Variants in ESRRG observed in about 807,000 individuals in gnomAD.
ESRRG encodes the protein estrogen-related receptor gamma.
Under a neutral mutation model 44.0 loss-of-function variants are expected in ESRRG, and 13 were observed. The ratio of observed to expected loss-of-function variants is 0.30; its 90% CI spans 0.19 to 0.47. The LOEUF is 0.47. Among genes scored for constraint, ESRRG ranks in the 20% least tolerant of loss-of-function variants. The pLI is 1.00. For missense variants in ESRRG, 395 were observed against 580.6 expected, an observed-to-expected ratio of 0.68 and a Z score of 3.29; for synonymous variants, 215 against 214.6, an observed-to-expected ratio of 1.00 and a Z score of -0.02.
chr1:216,907,471 C>G (rs956586430), intron 2 of ESRRG, among the ~76,000 whole-genome samples: 3 of 152,152 alleles, frequency 2.0e-5, no homozygotes, highest in African/African-American at 7.2e-5. Context: ...TGTAGATGAA[C>G]AGTGAGGGCT....
intron 2 of ESRRG, among the ~76,000 whole-genome samples, chr1:216,653,982 G>A (rs2069706368): frequency 6.6e-6 from 1 of 151,574 alleles, no homozygotes; most frequent in Non-Finnish European, 1.5e-5. Context: ...AATAAGCCAG[G>A]CATAGTGGTG....
intron 5 of ESRRG, among the ~76,000 whole-genome samples, chr1:216,522,586 G>A (rs1015959936): frequency 6.6e-6 from 1 of 152,058 alleles, no homozygotes; most frequent in South Asian, 2.1e-4. Flanking sequence ...CTTGTTATAA[G>A]ATAGTCATGT....
chr1:216,799,839 T>G (rs1213838963), intron 2 of ESRRG, among the ~76,000 whole-genome samples: 2 of 152,120 alleles, frequency 1.3e-5, no homozygotes, highest in Non-Finnish European at 2.9e-5. Context: ...CTGGGTGAAT[T>G]TATCTGGAAT....
chr1:216,818,412 G>A (rs17043988), intron 2 of ESRRG, among the ~76,000 whole-genome samples: 22,938 of 152,142 alleles, frequency 0.15, 1,834 homozygotes, highest in African/African-American at 0.17. Flanking sequence ...AGAGGAATAA[G>A]GAACCATCAT....
intron 3 of ESRRG, among the ~76,000 whole-genome samples, chr1:216,613,654 C>T (rs1358122966): frequency 2.0e-5 from 3 of 152,128 alleles, no homozygotes; most frequent in Non-Finnish European, 4.4e-5. Context: ...ATTTTAACAA[C>T]GTTGTATTTT....
At chr1:216,861,382 T>C (rs1424622117) in intron 2 of ESRRG, among the ~76,000 whole-genome samples, 2 of 152,048 alleles carry the variant, frequency 1.3e-5, no homozygotes, top group Non-Finnish European at 2.9e-5. Flanking sequence ...ATGTCTCCAA[T>C]ACAAATAAAT....
chr1:217,038,757 T>C (rs1480608678), intron 1 of ESRRG, among the ~76,000 whole-genome samples: 1 of 152,230 alleles, frequency 6.6e-6, no homozygotes, highest in Non-Finnish European at 1.5e-5. Context: ...GTCCTGGGGA[T>C]TAACATTCAG....
intron 2 of ESRRG, among the ~76,000 whole-genome samples, chr1:216,659,962 G>A (rs1348417576): frequency 2.6e-5 from 4 of 152,158 alleles, no homozygotes; most frequent in Non-Finnish European, 5.9e-5. Context: ...AATTTTTAGT[G>A]AGTCTGTTAT....
chr1:217,029,721 T>A (rs2081769632), intron 1 of ESRRG, among the ~76,000 whole-genome samples: 2 of 152,146 alleles, frequency 1.3e-5, no homozygotes, highest in Non-Finnish European at 2.9e-5. Flanking sequence ...TTCTAGGGGA[T>A]ATTTTCCCAA....
At chr1:216,806,477 G>A (rs539932582) in intron 2 of ESRRG, among the ~76,000 whole-genome samples, 12 of 152,260 alleles carry the variant, frequency 7.9e-5, no homozygotes, top group East Asian at 1.9e-4. Context: ...AAGGTTGTAC[G>A]AAAGGTTTTG....
rs556363837 is a variant in ESRRG, at chr1:217,136,497, A to G, written c.-230+1170T>C. 2.0e-5 allele frequency among the ~76,000 whole-genome samples: 3 copies of G among 152,112 alleles called. No individual in the cohort carries two copies. The South Asian group carries it at 6.2e-4, about 32-fold the overall frequency. ...TCGCTTGCTTGGGGGCGCCAGCTCT[A>G]GCGTAAGCCTGAGCTGCGAGATAGC... On this transcript the variant is annotated intron_variant, in intron 1 of 8. Coordinates refer to the ESRRG transcript ENST00000366940.
intron 2 of ESRRG, among the ~76,000 whole-genome samples, chr1:216,898,896 G>C (rs907808593): frequency 2.0e-5 from 3 of 152,116 alleles, no homozygotes; most frequent in African/African-American, 4.8e-5. Context: ...GTCCCAGGTG[G>C]AAAGGAAATC....
rs537726005 is a variant in ESRRG at position 216,538,724 on chromosome 1, G to T, written c.863-19303C>A. On this transcript the variant is annotated intron_variant, in intron 5 of 6. Transcript: ENST00000408911. ...CCAAGTTACTGCTACACATTCTTAG[G>T]TTTACATCTAGAGCAAGCATGCACC... 2.6e-5 allele frequency among the ~76,000 whole-genome samples: 4 copies of T among 152,054 alleles called. No individual in the cohort carries two copies. The South Asian group carries it at 8.3e-4, about 32-fold the overall frequency.
intron 1 of ESRRG, among the ~76,000 whole-genome samples, chr1:217,060,556 T>C (rs1200574267): frequency 6.6e-6 from 1 of 152,068 alleles, no homozygotes; most frequent in Non-Finnish European, 1.5e-5. Flanking sequence ...ACAAGTAGTG[T>C]CAGGCAGGTG....
chr1:216,735,746 C>A (rs1207608301), intron 2 of ESRRG, among the ~76,000 whole-genome samples: 1 of 151,724 alleles, frequency 6.6e-6, no homozygotes, highest in African/African-American at 2.4e-5. Flanking sequence ...TTTGGGAGAC[C>A]AAGGTGGGTG....
intron 1 of ESRRG, among the ~76,000 whole-genome samples, chr1:216,982,920 A>G (rs1427993023): frequency 3.3e-5 from 5 of 152,186 alleles, no homozygotes; most frequent in African/African-American, 9.7e-5. Flanking sequence ...ACAAGATAAC[A>G]TGAGTCATCA....
intron 2 of ESRRG, among the ~76,000 whole-genome samples, chr1:216,825,401 T>G (rs752786054): frequency 6.6e-6 from 1 of 152,130 alleles, no homozygotes; most frequent in African/African-American, 2.4e-5. Flanking sequence ...AATTGGGTTG[T>G]TGTAAGTGTC....
chr1:216,969,420 T>G (rs1461301534), intron 1 of ESRRG, among the ~76,000 whole-genome samples: 1 of 147,206 alleles, frequency 6.8e-6, no homozygotes, highest in African/African-American at 2.7e-5. Context: ...AAAAAAAACA[T>G]AGAAAAAAAC....
chr1:216,843,129 A>G (rs1483865616), intron 2 of ESRRG, among the ~76,000 whole-genome samples: 1 of 151,336 alleles, frequency 6.6e-6, no homozygotes, highest in Admixed American at 6.6e-5. Context: ...TGGGAAATAA[A>G]TGAGAGATAG....
Sources: allele counts gnomAD v4.1 joint callset (sites outside exome capture counted in the v4.1 genomes callset), GRCh38; gene constraint gnomAD v4.1.1; transcripts MANE v1.5; gene names NCBI Gene and HGNC (gene_info 2026-07-23, HGNC 2026-07-21).